Variants in KCNJ3 observed in about 807,000 individuals in gnomAD.
The protein encoded by KCNJ3 is G protein-activated inward rectifier potassium channel 1.
Under a neutral mutation model 39.2 loss-of-function variants are expected in KCNJ3, and 4 were observed. The ratio of observed to expected loss-of-function variants is 0.10; its 90% confidence interval spans 0.05 to 0.23. The LOEUF is 0.23. Among genes scored for constraint, KCNJ3 ranks in the 10% least tolerant of loss-of-function variants. The pLI, the probability that KCNJ3 is intolerant of heterozygous loss-of-function variation, is 1.00. For missense variants in KCNJ3, 276 were observed against 634.9 expected, an observed-to-expected ratio of 0.43 and a Z score of 6.08; for synonymous variants, 230 against 237.4, an observed-to-expected ratio of 0.97 and a Z score of 0.29.
intron 2 of KCNJ3, among the ~76,000 whole-genome samples, chr2:154,843,485 C>T (rs1687614303): frequency 6.6e-6 from 1 of 152,078 alleles, no homozygotes; most frequent in Non-Finnish European, 1.5e-5. Flanking sequence ...TGTTGGCCTG[C>T]CTTGCTAGGT....
At chr2:154,701,762 C>T (rs982083393) in intron 1 of KCNJ3, among the ~76,000 whole-genome samples, 2 of 152,018 alleles carry the variant, frequency 1.3e-5, no homozygotes, top group African/African-American at 2.4e-5. Context: ...GAAGTAAACA[C>T]GATTTACCTG....
intron 2 of KCNJ3, among the ~76,000 whole-genome samples, chr2:154,823,980 G>T (rs991598901): frequency 6.6e-6 from 1 of 152,106 alleles, no homozygotes; most frequent in Non-Finnish European, 1.5e-5. Context: ...TTGGTGTATA[G>T]AGTTTTGTTT....
At position 154,699,401 on chromosome 2, in the gene KCNJ3, T is replaced by C; in HGVS notation, c.626T>C (p.Leu209Pro). Residue 209 changes from leucine to proline, a missense_variant, in exon 1 of 3, where the codon CTC becomes CCC. By Grantham distance (98) the Leu-to-Pro change is moderately conservative (BLOSUM62 -3). Transcript: ENST00000295101. The surrounding 1 kb of genome is among the most constrained non-coding windows in gnomAD (Gnocchi z 6.4). ...HAVISMRDGK[L>P]TLMFRVGNLR... The stretch of plus-strand genomic sequence containing the variant: ...GTGATCTCCATGAGGGACGGAAAAC[T>C]CACGCTTATGTTCCGGGTGGGCAAC... 6.2e-7 allele frequency: 1 copy of C among 1,607,990 alleles called. No homozygotes were observed.
intron 2 of KCNJ3, among the ~76,000 whole-genome samples, chr2:154,845,804 C>T (rs556715403): frequency 5.3e-5 from 8 of 152,136 alleles, no homozygotes; most frequent in Admixed American, 2.0e-4. Flanking sequence ...AACCCTTTCT[C>T]TACTGAAAAT....
chr2:154,803,012 A>G (rs1195534678), intron 2 of KCNJ3, among the ~76,000 whole-genome samples: 3 of 152,106 alleles, frequency 2.0e-5, no homozygotes, highest in African/African-American at 4.8e-5. Context: ...TAATTCCACT[A>G]TTGGAACTAA....
At chr2:154,700,606 GA>G in intron 1 of KCNJ3, among the ~76,000 whole-genome samples, 1 of 152,316 alleles carries the variant, frequency 6.6e-6, no homozygotes, top group East Asian at 1.9e-4. Context: ...TTAATAAAAT[GA>G]AAATCTGATC....
chr2:154,840,480 T>C (rs1687555925), intron 2 of KCNJ3, among the ~76,000 whole-genome samples: 1 of 151,648 alleles, frequency 6.6e-6, no homozygotes, highest in Non-Finnish European at 1.5e-5. Flanking sequence ...TGTGAAGTCA[T>C]TGGTAGCTTG....
chr2:154,841,597 C>T (rs893468060), intron 2 of KCNJ3, among the ~76,000 whole-genome samples: 5 of 152,066 alleles, frequency 3.3e-5, no homozygotes, highest in African/African-American at 9.7e-5. Flanking sequence ...TAATTATTGC[C>T]TCAATTTCAG....
chr2:154,768,046 T>C (rs1686167048), intron 2 of KCNJ3, among the ~76,000 whole-genome samples: 1 of 152,242 alleles, frequency 6.6e-6, no homozygotes, highest in Non-Finnish European at 1.5e-5. Flanking sequence ...TGATTTTTTC[T>C]TGTAAATTTG....
chr2:154,830,986 A>C (rs1012274949), intron 2 of KCNJ3, among the ~76,000 whole-genome samples: 4 of 152,168 alleles, frequency 2.6e-5, no homozygotes, highest in Non-Finnish European at 4.4e-5. Context: ...TCTAAATCCA[A>C]TTAGTTGTCA....
At chr2:154,752,386 T>G (rs1245092533) in intron 2 of KCNJ3, among the ~76,000 whole-genome samples, 1 of 151,866 alleles carries the variant, frequency 6.6e-6, no homozygotes, top group Non-Finnish European at 1.5e-5. Flanking sequence ...TGAATATATC[T>G]AAGAAAGAAT....
chr2:154,841,828 T>C (rs1687582135), intron 2 of KCNJ3, among the ~76,000 whole-genome samples: 1 of 152,132 alleles, frequency 6.6e-6, no homozygotes, highest in Non-Finnish European at 1.5e-5. Context: ...TTCTCTCTTT[T>C]CTTCTTTATT....
intron 2 of KCNJ3, among the ~76,000 whole-genome samples, chr2:154,768,444 A>T (rs1449971728): frequency 6.6e-6 from 1 of 152,162 alleles, no homozygotes; most frequent in Non-Finnish European, 1.5e-5. Context: ...TAAATAGGGA[A>T]TCCTTTTCCC....
intron 2 of KCNJ3, among the ~76,000 whole-genome samples, chr2:154,802,327 G>C (rs563123333): frequency 1.8e-4 from 27 of 152,116 alleles, no homozygotes; most frequent in Admixed American, 1.7e-3. Flanking sequence ...GAGGGAGCTT[G>C]GTTCCCCATG....
chr2:154,845,277 C>A (rs942404855), intron 2 of KCNJ3, among the ~76,000 whole-genome samples: 1 of 152,000 alleles, frequency 6.6e-6, no homozygotes, highest in African/African-American at 2.4e-5. Flanking sequence ...TGCCACCACG[C>A]CCAGCTGATT....
At chr2:154,793,397 G>T (rs1342484294) in intron 2 of KCNJ3, among the ~76,000 whole-genome samples, 1 of 151,970 alleles carries the variant, frequency 6.6e-6, no homozygotes, top group Non-Finnish European at 1.5e-5. Context: ...AATTTATGGT[G>T]AAAGCTAGAA....
chr2:154,848,984 A>G (rs1278043916), intron 2 of KCNJ3, among the ~76,000 whole-genome samples: 1 of 152,166 alleles, frequency 6.6e-6, no homozygotes, highest in African/African-American at 2.4e-5. Context: ...AATATTCACT[A>G]ATTATACTAC....
chr2:154,846,849 T>C (rs1426915534), intron 2 of KCNJ3, among the ~76,000 whole-genome samples: 1 of 152,182 alleles, frequency 6.6e-6, no homozygotes, highest in Non-Finnish European at 1.5e-5. Flanking sequence ...GTTTCTAAAA[T>C]TCTTATTGAA....
At chr2:154,841,822 CTCTT>C (rs1179532452) in intron 2 of KCNJ3, among the ~76,000 whole-genome samples, 1 of 151,810 alleles carries the variant, frequency 6.6e-6, no homozygotes, top group African/African-American at 2.4e-5. Flanking sequence ...TGATTCTTCT[CTCTT>C]TTCTTCTTTA....
Sources: allele counts gnomAD v4.1 joint callset (sites outside exome capture counted in the v4.1 genomes callset), GRCh38; gene constraint gnomAD v4.1.1; non-coding constraint Gnocchi (gnomAD v3.1); transcripts MANE v1.5; gene names NCBI Gene and HGNC (gene_info 2026-07-23, HGNC 2026-07-21).